The following MACROH2A2 variants were observed in gnomAD, a reference collection of about 807,000 sequenced individuals.
MACROH2A2 encodes the protein core histone macro-H2A.2.
In MACROH2A2, 6 loss-of-function variants were observed where a neutral mutation model predicts 37.6. That is an observed-to-expected ratio of 0.16 (90% CI 0.09 to 0.32). The LOEUF is 0.32. Ranked by LOEUF, MACROH2A2 falls within the 10% of genes least tolerant of loss-of-function variation. The pLI is 1.00. For synonymous variants in MACROH2A2, 192 were observed against 202.7 expected (o/e 0.95, Z 0.45); for missense variants, 290 against 485.9 (o/e 0.60, Z 3.79).
intron 6 of MACROH2A2, among the ~76,000 whole-genome samples, chr10:70,096,627 C>T (rs896556562): frequency 6.6e-6 from 1 of 152,098 alleles, no homozygotes; most frequent in Non-Finnish European, 1.5e-5. Context: ...TAACAGTCCC[C>T]ATCCCATCCA....
At chr10:70,105,130 T>C (rs528510653) in intron 7 of MACROH2A2, among the ~76,000 whole-genome samples, 4 of 152,258 alleles carry the variant, frequency 2.6e-5, no homozygotes, top group South Asian at 4.1e-4. Context: ...CATTCATTTG[T>C]TGAATATTGG....
At chr10:70,087,160 G>T (rs1371742822) in intron 2 of MACROH2A2, among the ~76,000 whole-genome samples, 1 of 152,070 alleles carries the variant, frequency 6.6e-6, no homozygotes, top group Non-Finnish European at 1.5e-5. Flanking sequence ...TCCAGCCTGG[G>T]TGACAGAGGT....
intron 8 of MACROH2A2, among the ~76,000 whole-genome samples, chr10:70,110,984 C>T (rs944126835): frequency 1.3e-5 from 2 of 151,650 alleles, no homozygotes; most frequent in African/African-American, 2.4e-5. Context: ...AATCATTGTG[C>T]TTGGCAGGGC....
chr10:70,111,494 G>A (rs762371172), intron 8 of MACROH2A2, 24 bp from the exon 9 acceptor site: 35 of 1,606,754 alleles, frequency 2.2e-5, no homozygotes, highest in Non-Finnish European at 2.7e-5. Flanking sequence ...AAATGACATC[G>A]GCTCTTCTTT....
intron 2 of MACROH2A2, among the ~76,000 whole-genome samples, chr10:70,076,963 G>C (rs535660755): frequency 1.4e-4 from 21 of 151,704 alleles, no homozygotes; most frequent in Non-Finnish European, 2.5e-4. Flanking sequence ...CCTCCCCCGA[G>C]AGCTTCCACC....
chr10:70,068,903 A>G (rs1027260405), intron 1 of MACROH2A2, among the ~76,000 whole-genome samples: 3 of 152,366 alleles, frequency 2.0e-5, no homozygotes, highest in Admixed American at 6.5e-5. Flanking sequence ...GACAAGGGTC[A>G]TATAAATTTA....
rs908527330 is a variant in MACROH2A2, at chr10:70,112,008, A to C, written c.*325A>C. The C allele has an allele frequency of 2.5e-4, 44 of 178,012 alleles. No homozygotes were observed. Among genetic ancestry groups the C allele is most frequent in the African/African-American group, 1.0e-3 (43 of 42,592 alleles). 11.0% of individuals were successfully genotyped at this position (178,012 alleles called of 1,614,324 possible). The stretch of plus-strand genomic sequence containing the variant: ...AGAAAAAAATCCTTTCAAAATTCTT[A>C]AATCTTCTGTTCCTCCTTTTTCCAA... On this transcript the variant is annotated 3_prime_UTR_variant, in exon 9 of 9. Transcript: ENST00000373255.
rs79146149 is a variant in MACROH2A2 at position 70,078,316 on chromosome 10, G to T, written c.172+2486G>T. On this transcript the variant is annotated intron_variant, in intron 2 of 8. Transcript: ENST00000373255. Reference sequence around the variant, plus strand: ...CATGGAGAGGATGAGCACCTGCAAGGGTGCCATTGCCAAAGTCCTCCTGCC... The same window carrying T: ...CATGGAGAGGATGAGCACCTGCAAGTGTGCCATTGCCAAAGTCCTCCTGCC... 6.3e-3 allele frequency among the ~76,000 whole-genome samples: 965 copies of T among 152,284 alleles called. 8 individuals are homozygous for T. Among genetic ancestry groups the T allele is most frequent in the African/African-American group, 0.022 (903 of 41,554 alleles).
intron 6 of MACROH2A2, 57 bp downstream of exon 6, chr10:70,095,810 T>C (rs2136638013): frequency 1.2e-6 from 1 of 827,490 alleles, no homozygotes; most frequent in Admixed American, 1.8e-5. Flanking sequence ...TTCAGGCAAG[T>C]TCTTGTGAAG....
rs761103794 is a variant in MACROH2A2 at position 70,109,018 on chromosome 10, TCTC to T, written c.779-12_779-10del. On this transcript the variant is annotated splice_polypyrimidine_tract_variant and intron_variant, in intron 7 of 8. Transcript: ENST00000373255. ...TTAGGAAATAACCCGCGGCATTTTC[TCTC>T]CTATGTCCCAGCCGCCGTCAGCCAA... 3.1e-6 allele frequency: 5 copies of T among 1,611,434 alleles called. No individual in the cohort carries two copies. In the East Asian group the frequency reaches 1.1e-4, roughly 36 times the overall value.
At chr10:70,070,073 T>G (rs1035340791) in intron 1 of MACROH2A2, among the ~76,000 whole-genome samples, 1 of 152,104 alleles carries the variant, frequency 6.6e-6, no homozygotes, top group African/African-American at 2.4e-5. Flanking sequence ...CCCCTAGGGA[T>G]TCCTGGATGT....
intron 1 of MACROH2A2, among the ~76,000 whole-genome samples, chr10:70,064,645 A>G (rs1564540509): frequency 6.6e-6 from 1 of 152,160 alleles, no homozygotes; most frequent in Admixed American, 6.5e-5. Context: ...CTGATAGTGA[A>G]TAAGTCTCAC....
At chr10:70,068,937 TTCAA>T (rs1286614742) in intron 1 of MACROH2A2, among the ~76,000 whole-genome samples, 4 of 152,240 alleles carry the variant, frequency 2.6e-5, no homozygotes, top group Admixed American at 1.3e-4. Flanking sequence ...TAGTTTCTTG[TTCAA>T]TAATAAATGC....
chr10:70,065,003 A>G (rs1388026680), intron 1 of MACROH2A2, among the ~76,000 whole-genome samples: 1 of 150,952 alleles, frequency 6.6e-6, no homozygotes, highest in Admixed American at 6.6e-5. Flanking sequence ...GCCTATAATC[A>G]TCAATCTTGT....
intron 1 of MACROH2A2, among the ~76,000 whole-genome samples, chr10:70,063,430 T>G (rs551142659): frequency 6.6e-6 from 1 of 152,374 alleles, no homozygotes; most frequent in African/African-American, 2.4e-5. Flanking sequence ...AGTTTGATTC[T>G]ATTCTATTCA....
chr10:70,094,480 C>T (rs907966768), intron 5 of MACROH2A2, among the ~76,000 whole-genome samples: 8 of 152,188 alleles, frequency 5.3e-5, no homozygotes, highest in Admixed American at 5.2e-4. Flanking sequence ...TGAAATAAGA[C>T]ACCCAAGGAA....
At chr10:70,111,224 G>A (rs544857284) in intron 8 of MACROH2A2, among the ~76,000 whole-genome samples, 16 of 151,874 alleles carry the variant, frequency 1.1e-4, no homozygotes, top group African/African-American at 3.1e-4. Flanking sequence ...AGCTGAGATC[G>A]CGCCACTGCA....
intron 2 of MACROH2A2, among the ~76,000 whole-genome samples, chr10:70,076,374 C>T (rs1367992101): frequency 1.3e-5 from 2 of 152,074 alleles, no homozygotes; most frequent in African/African-American, 2.4e-5. Flanking sequence ...AGGTGATTCT[C>T]GTCTAATAGG....
intron 1 of MACROH2A2, among the ~76,000 whole-genome samples, chr10:70,064,926 G>A (rs10999113): frequency 0.1 from 15,603 of 152,088 alleles, 846 homozygotes; most frequent in African/African-American, 0.12. Context: ...ACACACACCC[G>A]GAGATCCCAA....
Sources: allele counts gnomAD v4.1 joint callset (sites outside exome capture counted in the v4.1 genomes callset), GRCh38; gene constraint gnomAD v4.1.1; transcripts MANE v1.5; gene names NCBI Gene and HGNC (gene_info 2026-07-23, HGNC 2026-07-21).